Variants in RGS7 observed in about 807,000 individuals in gnomAD.
RGS7 encodes the protein regulator of G-protein signaling 7.
Under a neutral mutation model 81.1 loss-of-function variants are expected in RGS7, and 27 were observed. That is an observed-to-expected ratio of 0.33 (90% CI 0.25 to 0.46). RGS7 has a LOEUF of 0.46. Among genes scored for constraint, RGS7 ranks in the 20% least tolerant of loss-of-function variants. The probability of loss-of-function intolerance (pLI) is 1.00; values close to 1 mark genes in which losing one functional copy is unlikely to be tolerated. For synonymous variants in RGS7, 208 were observed against 207.7 expected, an observed-to-expected ratio of 1.00 and a Z score of -0.01; for missense variants, 396 against 607.4, an observed-to-expected ratio of 0.65 and a Z score of 3.66.
At chr1:240,898,689 T>A (rs1669486970) in intron 6 of RGS7, among the ~76,000 whole-genome samples, 1 of 152,128 alleles carries the variant, frequency 6.6e-6, no homozygotes, top group African/African-American at 2.4e-5. Flanking sequence ...TGCTGAGGAG[T>A]GCTTTACTTC....
At chr1:240,955,292 T>TA (rs1680182310) in intron 4 of RGS7, among the ~76,000 whole-genome samples, 1 of 152,058 alleles carries the variant, frequency 6.6e-6, no homozygotes, top group African/African-American at 2.4e-5. Flanking sequence ...TAATGAAGGA[T>TA]AAAAACAAAG....
intron 2 of RGS7, among the ~76,000 whole-genome samples, chr1:241,310,624 AT>A (rs1288573050): frequency 1.3e-5 from 2 of 151,366 alleles, no homozygotes; most frequent in Non-Finnish European, 2.9e-5. Flanking sequence ...GAACAATATG[AT>A]GGGTATCATA....
intron 2 of RGS7, among the ~76,000 whole-genome samples, chr1:241,281,886 A>T (rs1219034680): frequency 1.3e-5 from 2 of 152,252 alleles, no homozygotes; most frequent in East Asian, 3.8e-4. Context: ...ATCCACGAAC[A>T]TGGCATGTCT....
At chr1:240,876,168 TG>T (rs1665380237) in intron 6 of RGS7, among the ~76,000 whole-genome samples, 2 of 152,212 alleles carry the variant, frequency 1.3e-5, no homozygotes, top group South Asian at 4.1e-4. Context: ...GCCTGCCTCT[TG>T]CCCTTCAGAA....
At chr1:241,347,727 C>T (rs1259649671) in intron 2 of RGS7, among the ~76,000 whole-genome samples, 1 of 152,030 alleles carries the variant, frequency 6.6e-6, no homozygotes, top group Admixed American at 6.5e-5. Flanking sequence ...GAAAGACAAC[C>T]TATGTCATCT....
intron 3 of RGS7, among the ~76,000 whole-genome samples, chr1:240,985,297 C>T (rs1311028334): frequency 6.6e-6 from 1 of 152,228 alleles, no homozygotes; most frequent in Admixed American, 6.5e-5. Flanking sequence ...TGAGCAGCCA[C>T]TGGAAATTTT....
chr1:241,100,634 T>C (rs1345670839), intron 2 of RGS7, among the ~76,000 whole-genome samples: 1 of 152,180 alleles, frequency 6.6e-6, no homozygotes, highest in East Asian at 1.9e-4. Flanking sequence ...AGACTCAGTT[T>C]TCTGATCCAT....
At chr1:241,324,796 C>T (rs1466801509) in intron 2 of RGS7, among the ~76,000 whole-genome samples, 1 of 152,118 alleles carries the variant, frequency 6.6e-6, no homozygotes, top group Non-Finnish European at 1.5e-5. Context: ...GATAAAGACA[C>T]AAGTTTTTGG....
intron 3 of RGS7, among the ~76,000 whole-genome samples, chr1:241,080,068 T>G (rs1347812879): frequency 1.3e-5 from 2 of 152,116 alleles, no homozygotes; most frequent in Admixed American, 6.6e-5. Context: ...GATTTTATTC[T>G]TTCAGTAACA....
intron 2 of RGS7, among the ~76,000 whole-genome samples, chr1:241,294,551 A>G (rs1290983770): frequency 6.6e-6 from 1 of 152,218 alleles, no homozygotes; most frequent in Non-Finnish European, 1.5e-5. Context: ...AGTATCGCCT[A>G]AGTGCAGGGT....
At chr1:241,312,459 T>G (rs1174223202) in intron 2 of RGS7, among the ~76,000 whole-genome samples, 1 of 152,210 alleles carries the variant, frequency 6.6e-6, no homozygotes, top group Non-Finnish European at 1.5e-5. Flanking sequence ...CTGTGTCAAA[T>G]TTTGGTAATT....
intron 2 of RGS7, among the ~76,000 whole-genome samples, chr1:241,234,286 T>A (rs538946834): frequency 3.9e-5 from 6 of 152,160 alleles, no homozygotes; most frequent in Non-Finnish European, 7.3e-5. Flanking sequence ...ATCCATCTTC[T>A]CTTTCCAAAA....
chr1:241,138,420 A>G (rs1421479935), intron 2 of RGS7, among the ~76,000 whole-genome samples: 1 of 152,138 alleles, frequency 6.6e-6, no homozygotes, highest in Non-Finnish European at 1.5e-5. Context: ...AGCTGAACAC[A>G]TGGAGCCAAG....
chr1:240,993,542 C>T (rs1014397770), intron 3 of RGS7, among the ~76,000 whole-genome samples: 10 of 151,814 alleles, frequency 6.6e-5, no homozygotes, highest in African/African-American at 1.7e-4. Flanking sequence ...TGTCTTTTGA[C>T]CATTTTCTAA....
intron 6 of RGS7, among the ~76,000 whole-genome samples, chr1:240,906,759 A>T (rs1370157684): frequency 6.6e-6 from 1 of 152,220 alleles, no homozygotes; most frequent in Non-Finnish European, 1.5e-5. Context: ...TCTTGGCTCA[A>T]AGAGGAGCCT....
intron 3 of RGS7, among the ~76,000 whole-genome samples, chr1:240,989,674 T>G (rs1686178721): frequency 6.6e-6 from 1 of 152,154 alleles, no homozygotes; most frequent in South Asian, 2.1e-4. Context: ...CTGGTGGTTT[T>G]GGGCTAGAGG....
chr1:241,295,038 A>T (rs6673728), intron 2 of RGS7, among the ~76,000 whole-genome samples: 69,542 of 152,114 alleles, frequency 0.46, 16,860 homozygotes, highest in Middle Eastern at 0.58. Flanking sequence ...AGTTCCTCTA[A>T]CTGAGTGATG....
chr1:240,831,943 G>A (rs1693926604), intron 9 of RGS7, among the ~76,000 whole-genome samples: 1 of 152,110 alleles, frequency 6.6e-6, no homozygotes, highest in Non-Finnish European at 1.5e-5. Context: ...GGCCAAGACA[G>A]ACATCCATTT....
At chr1:241,208,701 G>A (rs1031547581) in intron 2 of RGS7, among the ~76,000 whole-genome samples, 3 of 151,976 alleles carry the variant, frequency 2.0e-5, no homozygotes, top group African/African-American at 4.8e-5. Flanking sequence ...AAACATCCTC[G>A]GCAACACTAC....
Sources: gnomAD v4.1 joint callset for allele counts (sites outside exome capture counted in the v4.1 genomes callset) on GRCh38, gnomAD v4.1.1 for gene constraint, MANE v1.5 for transcripts, NCBI Gene and HGNC (gene_info 2026-07-23, HGNC 2026-07-21) for gene names.